Variants in HMCN1 observed in about 807,000 individuals in gnomAD.
HMCN1 encodes the protein hemicentin-1.
A neutral mutation model predicts 625.9 loss-of-function variants in HMCN1; 321 were observed. The observed-to-expected ratio is 0.51, with a 90% CI of 0.47 to 0.56. The LOEUF (loss-of-function observed/expected upper bound fraction) is 0.56, where lower values mean the gene tolerates loss of function less well. HMCN1 is among the 20% of genes least tolerant of loss of function. The probability of loss-of-function intolerance (pLI) is 0.00; values close to 1 mark genes in which losing one functional copy is unlikely to be tolerated. For missense variants in HMCN1, 6,588 were observed against 6,887.3 expected (o/e 0.96, Z 1.54); for synonymous variants, 2,425 against 2,417.6 (o/e 1.00, Z -0.09).
At chr1:186,072,502 G>A (rs752525880) in intron 52 of HMCN1, among the ~76,000 whole-genome samples, 2 of 152,132 alleles carry the variant, frequency 1.3e-5, no homozygotes, top group Non-Finnish European at 2.9e-5. Context: ...CTACTCATGT[G>A]AAGTTTAGGA....
chr1:185,982,940 A>G (rs1359525249), intron 18 of HMCN1, among the ~76,000 whole-genome samples: 1 of 152,158 alleles, frequency 6.6e-6, no homozygotes, highest in Non-Finnish European at 1.5e-5. Context: ...TATTAAATTC[A>G]GTGTCACTAG....
At chr1:185,989,154 C>T (rs767513225) in intron 20 of HMCN1, among the ~76,000 whole-genome samples, 2 of 151,774 alleles carry the variant, frequency 1.3e-5, no homozygotes, top group Non-Finnish European at 2.9e-5. Context: ...ACTACAGGTG[C>T]CTGCCACCTC....
chr1:186,129,291 A>G (rs1211845609), intron 83 of HMCN1, among the ~76,000 whole-genome samples: 1 of 151,088 alleles, frequency 6.6e-6, no homozygotes, highest in Non-Finnish European at 1.5e-5. Context: ...ATTTAGTCTT[A>G]GTTGTTTTAG....
At chr1:185,891,850 G>A (rs1200155430) in intron 4 of HMCN1, among the ~76,000 whole-genome samples, 7 of 147,728 alleles carry the variant, frequency 4.7e-5, no homozygotes, top group African/African-American at 8.1e-5. Flanking sequence ...GAATCTGAAC[G>A]TTGGCCTGCC....
rs935970207 is a variant in HMCN1, at chr1:186,113,908, A to G, written c.11132-71A>G. 1.9e-5 allele frequency: 29 copies of G among 1,524,414 alleles called. No individual in the cohort carries two copies. In the African/African-American group the frequency reaches 2.5e-4, roughly 13 times the overall value. The allele number at this position is 1,524,414 out of a possible 1,614,324, so 94.4% of individuals were successfully genotyped here. On this transcript the variant is annotated intron_variant, in intron 72 of 106. Coordinates refer to ENST00000271588, the MANE Select transcript of HMCN1 (RefSeq NM_031935.3). ...TGACTCGAAGCTCATCTTATATTAC[A>G]TCTTCAGGGTCTTCATGCAGGCTGT...
Position 185,894,871 on chromosome 1 carries a change from T to G in HMCN1, c.622-14466T>G, listed in dbSNP as rs576169602. Reference sequence around the variant, plus strand: ...AGCTGTTACCATTACTCATTTTTGTTTTTTTTCCTGACACGGTAGTTTGGG... The same window carrying G: ...AGCTGTTACCATTACTCATTTTTGTGTTTTTTCCTGACACGGTAGTTTGGG... On this transcript the variant is annotated intron_variant, in intron 4 of 106. Coordinates refer to ENST00000271588, the MANE Select transcript of HMCN1 (RefSeq NM_031935.3). 3.3e-5 allele frequency among the ~76,000 whole-genome samples: 5 copies of G among 152,326 alleles called. No homozygotes were observed. The South Asian group carries it at 1.0e-3, about 32-fold the overall frequency.
chr1:186,101,203 T>C (rs1404402261), intron 68 of HMCN1, among the ~76,000 whole-genome samples: 1 of 151,774 alleles, frequency 6.6e-6, no homozygotes, highest in East Asian at 1.9e-4. Context: ...GTAGCTCAAA[T>C]TAGAGTGAGG....
intron 53 of HMCN1, 23 bp from the exon 54 acceptor site, chr1:186,076,405 C>T (rs1173178502): frequency 6.2e-7 from 1 of 1,605,708 alleles, no homozygotes; most frequent in Admixed American, 1.7e-5. Flanking sequence ...ATGTGACCAA[C>T]ATTTAATGCC....
intron 10 of HMCN1, among the ~76,000 whole-genome samples, chr1:185,931,748 G>A (rs1390462343): frequency 6.6e-6 from 1 of 152,164 alleles, no homozygotes; most frequent in Non-Finnish European, 1.5e-5. Context: ...CCTTCATTAA[G>A]AAGTAATTGG....
chr1:186,182,724 GATTC>G (rs1653010422), intron 105 of HMCN1, among the ~76,000 whole-genome samples: 1 of 152,152 alleles, frequency 6.6e-6, no homozygotes. Context: ...TCAATTAAAT[GATTC>G]ATTCATTCGT....
At chr1:185,941,542 T>C (rs1317913441) in intron 11 of HMCN1, among the ~76,000 whole-genome samples, 1 of 152,146 alleles carries the variant, frequency 6.6e-6, no homozygotes, top group Non-Finnish European at 1.5e-5. Context: ...CAAAATGAGG[T>C]CTATGAAAAG....
At chr1:185,963,658 A>G in intron 12 of HMCN1, 110 bp from the exon 13 acceptor site, 1 of 832,290 alleles carries the variant, frequency 1.2e-6, no homozygotes, top group Middle Eastern at 3.6e-4. Flanking sequence ...TCGACACCAA[A>G]AATATAACTC....
chr1:186,059,857 G>A (rs1657572336), intron 46 of HMCN1, among the ~76,000 whole-genome samples: 1 of 151,932 alleles, frequency 6.6e-6, no homozygotes, highest in Admixed American at 6.6e-5. Flanking sequence ...GATTAAGCGA[G>A]AAGTCCATGA....
chr1:185,970,243 AC>A, intron 14 of HMCN1, 91 bp from the exon 15 acceptor site: 1 of 1,241,308 alleles, frequency 8.1e-7, no homozygotes, highest in Non-Finnish European at 1.2e-6. Context: ...TTTGCAATCA[AC>A]TTTATTTGGA....
At chr1:186,046,151 C>T (rs1656556350) in intron 41 of HMCN1, among the ~76,000 whole-genome samples, 1 of 152,020 alleles carries the variant, frequency 6.6e-6, no homozygotes, top group Non-Finnish European at 1.5e-5. Flanking sequence ...AGCCAATCAC[C>T]AAGTGACCAT....
At chr1:185,998,766 C>G (rs1313139083) in intron 25 of HMCN1, among the ~76,000 whole-genome samples, 1 of 152,108 alleles carries the variant, frequency 6.6e-6, no homozygotes, top group Non-Finnish European at 1.5e-5. Flanking sequence ...TGATTTTCAT[C>G]TTGCTCATGG....
chr1:185,905,565 A>G (rs1235637536), intron 4 of HMCN1, among the ~76,000 whole-genome samples: 2 of 151,816 alleles, frequency 1.3e-5, no homozygotes, highest in Non-Finnish European at 3.0e-5. Context: ...GCTCTTCCAA[A>G]CAAAGCTATT....
At chr1:186,137,088 GAAGGGCCTAAACCAACACAGA>G in intron 87 of HMCN1, 151 bp downstream of exon 87, 4 of 968,288 alleles carry the variant, frequency 4.1e-6, no homozygotes, top group Non-Finnish European at 6.4e-6. Context: ...TTTACAGATT[GAAGGGCCTAAACCAACACAGA>G]TTAGAGCTTT....
chr1:185,815,719 C>A (rs2102256384), intron 1 of HMCN1, among the ~76,000 whole-genome samples: 1 of 149,928 alleles, frequency 6.7e-6, no homozygotes, highest in Non-Finnish European at 1.5e-5. Flanking sequence ...ACATTAGTGA[C>A]AATGATGTGA....
Sources: gnomAD v4.1 joint callset for allele counts (sites outside exome capture counted in the v4.1 genomes callset) on GRCh38, gnomAD v4.1.1 for gene constraint, MANE v1.5 for transcripts, NCBI Gene and HGNC (gene_info 2026-07-23, HGNC 2026-07-21) for gene names.